Variants in BRWD3 observed in about 807,000 individuals in gnomAD.
BRWD3 encodes the protein bromodomain and WD repeat domain containing 3.
BRWD3 carries 10 observed loss-of-function variants against 149.7 expected under a neutral mutation model. The ratio of observed to expected loss-of-function variants is 0.07; its 90% CI spans 0.04 to 0.11. The LOEUF (loss-of-function observed/expected upper bound fraction) is 0.11, where lower values mean the gene tolerates loss of function less well. Ranked by LOEUF, BRWD3 falls within the 10% of genes least tolerant of loss-of-function variation. The probability of loss-of-function intolerance (pLI) is 1.00; values close to 1 mark genes in which losing one functional copy is unlikely to be tolerated. For missense variants in BRWD3, 940 were observed against 1,373.2 expected (o/e 0.68, Z 4.99); for synonymous variants, 504 against 456.7 (o/e 1.10, Z -1.32).
intron 6 of BRWD3, among the ~76,000 whole-genome samples, chrX:80,776,231 CTCA>C (rs2073999268): frequency 8.9e-6 from 1 of 112,181 alleles, no homozygotes; most frequent in South Asian, 3.7e-4. Context: ...TACTGAAAAG[CTCA>C]TCAAGATCCA....
chrX:80,716,986 T>C (rs746563747), intron 19 of BRWD3: 1 of 112,633 alleles, frequency 8.9e-6, no homozygotes, highest in Non-Finnish European at 1.9e-5. Flanking sequence ...GTTAGGAAGA[T>C]ACTTGATTAA....
At chrX:80,761,717 T>G (rs2073804567) in intron 6 of BRWD3, among the ~76,000 whole-genome samples, 1 of 111,821 alleles carries the variant, frequency 8.9e-6, no homozygotes, top group Admixed American at 9.5e-5. Context: ...ATTAGATTTC[T>G]TAGGTATTTA....
chrX:80,741,825 A>G (rs1442836185), intron 8 of BRWD3, among the ~76,000 whole-genome samples: 1 of 111,787 alleles, frequency 8.9e-6, no homozygotes, highest in East Asian at 2.8e-4. Flanking sequence ...TTGTCAGATG[A>G]GCAGGTTGCA....
chrX:80,737,800 A>G (rs920561738), intron 8 of BRWD3, among the ~76,000 whole-genome samples: 1 of 112,539 alleles, frequency 8.9e-6, no homozygotes, highest in African/African-American at 3.2e-5. Context: ...GTACCACCGC[A>G]CTCCAGCCTG....
chrX:80,737,461 G>A (rs759872304), intron 8 of BRWD3, among the ~76,000 whole-genome samples: 1 of 111,810 alleles, frequency 8.9e-6, no homozygotes, highest in South Asian at 3.7e-4. Flanking sequence ...TCCTCAGCTG[G>A]TTGAAGCCAC....
chrX:80,807,875 T>C (rs968202280), intron 4 of BRWD3, among the ~76,000 whole-genome samples: 2 of 111,833 alleles, frequency 1.8e-5, no homozygotes, highest in African/African-American at 6.5e-5. Context: ...GCGACTTAAC[T>C]GATAATTGAA....
At position 80,670,033 on chromosome X, in the gene BRWD3, T is replaced by C. The variant is rs2072310934; in HGVS notation, c.*6576A>G. ...TAATTAAAATTATAAGATTTTATAA[T>C]TATAATTAGATGTTTATAATCTGTA... On this transcript the variant is annotated 3_prime_UTR_variant, in exon 41 of 41. Coordinates refer to ENST00000373275, the MANE Select transcript of BRWD3 (RefSeq NM_153252.5). 9.0e-6 allele frequency among the ~76,000 whole-genome samples: 1 copy of C among 111,087 alleles called. No individual in the cohort carries two copies. The highest frequency in any genetic ancestry group is 1.9e-5 in the Non-Finnish European group (1 of 53,009).
At chrX:80,692,004 AT>A in intron 29 of BRWD3, 26 bp from the exon 30 acceptor site, 1 of 1,169,434 alleles carries the variant, frequency 8.6e-7, no homozygotes, top group Non-Finnish European at 1.2e-6. Context: ...AAAAAAAAAA[AT>A]TAGAAAAAAT....
chrX:80,738,476 C>T (rs182414928), intron 8 of BRWD3, among the ~76,000 whole-genome samples: 5 of 111,074 alleles, frequency 4.5e-5, no homozygotes, highest in East Asian at 5.7e-4. Context: ...AAATACAAAA[C>T]GTGGGAGAAT....
At chrX:80,692,888 C>T (rs1569248291) in intron 28 of BRWD3, 52 bp downstream of exon 28, 1 of 996,199 alleles carries the variant, frequency 1.0e-6, no homozygotes, top group Non-Finnish European at 1.4e-6. Flanking sequence ...ATTAAAAGTC[C>T]ACATACTACT....
At chrX:80,715,617 T>C (rs1487663230) in intron 20 of BRWD3, among the ~76,000 whole-genome samples, 1 of 112,210 alleles carries the variant, frequency 8.9e-6, no homozygotes, top group Non-Finnish European at 1.9e-5. Context: ...ATCAGCAAAC[T>C]TTTTCTGCAA....
At position 80,690,033 on chromosome X, in the gene BRWD3, T is replaced by C. The variant is rs751563601; in HGVS notation, c.3662A>G (p.Asn1221Ser). 2 of 1,207,177 alleles carry C rather than the reference T, an allele frequency of 1.7e-6. No homozygotes were observed. Among genetic ancestry groups the C allele is most frequent in the Non-Finnish European group, 1.1e-6 (1 of 891,652 alleles). ...RYIEHNARTFNEPDSPIVKAA... is the reference protein window; with the variant it reads ...RYIEHNARTFSEPDSPIVKAA... Reference sequence around the variant, plus strand: ...TTTAACTATAGGACTGTCTGGCTCATTGAAAGTCCTGGCATTATGTTCAAT... The same window carrying C: ...TTTAACTATAGGACTGTCTGGCTCACTGAAAGTCCTGGCATTATGTTCAAT... Residue 1221 changes from asparagine (N) to serine (S), a missense_variant, in exon 32 of 41, where the codon AAT becomes AGT. By Grantham distance (46) the Asn-to-Ser change is conservative. This residue lies in a region of BRWD3 where 349 missense variants were observed against 419.6 expected (regional missense o/e 0.83). Transcript: ENST00000373275.
chrX:80,793,916 C>T (rs950892772), intron 4 of BRWD3, 144 bp from the exon 5 acceptor site: 5 of 626,966 alleles, frequency 8.0e-6, no homozygotes, highest in Non-Finnish European at 4.9e-6. Context: ...CGATGGCTCA[C>T]GCCTGTAATC....
Position 80,723,812 on chromosome X carries a change from G to A in BRWD3, c.1586C>T (p.Ala529Val). 1 of 1,210,068 alleles carries A rather than the reference G, an allele frequency of 8.3e-7. No homozygotes were observed. Among genetic ancestry groups the A allele is most frequent in the Non-Finnish European group, 1.1e-6 (1 of 893,864 alleles). Residue 529 changes from alanine to valine, a missense_variant, in exon 16 of 41, where the codon GCC (alanine) becomes GTC (valine). Around this residue, in one of 6 missense-constraint regions of BRWD3, gnomAD observed 209 missense variants for 396.8 expected, o/e 0.53. Transcript: ENST00000373275. ...CAAATGTCCATGAGAATCTGTGCAG[G>A]CAAAATGGTTTCCATCTGGTGAAAA... ...CKFSPDGNHF[A>V]CTDSHGHLLL...
At chrX:80,678,107 A>G (rs1350349384) in intron 40 of BRWD3, among the ~76,000 whole-genome samples, 4 of 112,179 alleles carry the variant, frequency 3.6e-5, no homozygotes, top group African/African-American at 6.5e-5. Context: ...GTATATAAAA[A>G]AGATCACAGG....
intron 6 of BRWD3, among the ~76,000 whole-genome samples, chrX:80,771,925 C>A (rs759176317): frequency 1.8e-5 from 2 of 111,779 alleles, no homozygotes; most frequent in South Asian, 7.5e-4. Context: ...GAGATACCAT[C>A]TCACACCAGT....
At chrX:80,703,976 G>C (rs964676653) in intron 23 of BRWD3, among the ~76,000 whole-genome samples, 4 of 112,099 alleles carry the variant, frequency 3.6e-5, no homozygotes, top group African/African-American at 9.7e-5. Flanking sequence ...AATCAATTTT[G>C]AAGTTAAAAT....
At chrX:80,798,429 T>TA (rs2074260275) in intron 4 of BRWD3, among the ~76,000 whole-genome samples, 1 of 111,164 alleles carries the variant, frequency 9.0e-6, no homozygotes, top group Non-Finnish European at 1.9e-5. Flanking sequence ...TCTATATTGT[T>TA]ATATCATAGC....
chrX:80,725,817 C>T (rs1039594748), intron 14 of BRWD3, among the ~76,000 whole-genome samples: 1 of 87,524 alleles, frequency 1.1e-5, no homozygotes, highest in African/African-American at 4.5e-5. Context: ...TGTTACATGC[C>T]TATATAACAT....
Sources: allele counts gnomAD v4.1 joint callset (sites outside exome capture counted in the v4.1 genomes callset), GRCh38; gene constraint gnomAD v4.1.1; regional missense constraint gnomAD v4.1.1; transcripts MANE v1.5; gene names NCBI Gene and HGNC (gene_info 2026-07-23, HGNC 2026-07-21).